Variants in QTMAN observed in about 807,000 individuals in gnomAD.
QTMAN encodes the protein tRNA-queuosine alpha-mannosyltransferase.
chr2:144,299,666 G>A, the QTMAN span, among the ~76,000 whole-genome samples: 12 of 152,232 alleles, frequency 7.9e-5, no homozygotes, highest in Admixed American at 2.6e-4. Flanking sequence ...ATTGAAATCC[G>A]TGTACACTGC....
chr2:144,167,814 A>G, the QTMAN span, among the ~76,000 whole-genome samples: 1 of 152,090 alleles, frequency 6.6e-6, no homozygotes, highest in Admixed American at 6.6e-5. Flanking sequence ...CTAATATTGG[A>G]CAAATTCATT....
At chr2:144,173,761 G>A in the QTMAN span, among the ~76,000 whole-genome samples, 3 of 152,064 alleles carry the variant, frequency 2.0e-5, no homozygotes, top group Non-Finnish European at 4.4e-5. Context: ...GGGGGTTCTC[G>A]TGAGAGGTGT....
At chr2:144,311,318 CT>C in the QTMAN span, among the ~76,000 whole-genome samples, 1 of 152,170 alleles carries the variant, frequency 6.6e-6, no homozygotes, top group Non-Finnish European at 1.5e-5. Context: ...CTACATTTTA[CT>C]GTTTTAAATC....
the QTMAN span, among the ~76,000 whole-genome samples, chr2:143,995,358 C>T: frequency 6.6e-6 from 1 of 151,666 alleles, no homozygotes; most frequent in Non-Finnish European, 1.5e-5. Flanking sequence ...TGATTTTAAC[C>T]AATAAGAGAC....
the QTMAN span, among the ~76,000 whole-genome samples, chr2:144,170,436 G>A: frequency 6.6e-6 from 1 of 152,176 alleles, no homozygotes; most frequent in African/African-American, 2.4e-5. Flanking sequence ...CAGAGGTGAT[G>A]TGGAGTGGCC....
At chr2:143,965,837 C>T in the QTMAN span, among the ~76,000 whole-genome samples, 1 of 152,178 alleles carries the variant, frequency 6.6e-6, no homozygotes, top group East Asian at 1.9e-4. Context: ...TAAGTAACTC[C>T]ATTTCTACAG....
At chr2:144,246,994 A>T in the QTMAN span, among the ~76,000 whole-genome samples, 1 of 152,254 alleles carries the variant, frequency 6.6e-6, no homozygotes, top group Non-Finnish European at 1.5e-5. Flanking sequence ...GCAAATTATC[A>T]ATCAAGTGAG....
the QTMAN span, among the ~76,000 whole-genome samples, chr2:144,016,054 A>G: frequency 1.3e-5 from 2 of 152,186 alleles, no homozygotes; most frequent in Non-Finnish European, 2.9e-5. Flanking sequence ...GTTGAGTAAC[A>G]CTACATTCCC....
chr2:144,163,665 T>A, the QTMAN span, among the ~76,000 whole-genome samples: 1 of 152,234 alleles, frequency 6.6e-6, no homozygotes, highest in East Asian at 1.9e-4. Flanking sequence ...TGGCAAACAG[T>A]GCCAGAGACT....
chr2:144,043,628 G>A, the QTMAN span, among the ~76,000 whole-genome samples: 94 of 141,452 alleles, frequency 6.6e-4, no homozygotes, highest in Non-Finnish European at 1.3e-3. Flanking sequence ...ATAAGACTCC[G>A]TCGCAAAAAA....
chr2:144,103,985 G>A, the QTMAN span, among the ~76,000 whole-genome samples: 2 of 152,162 alleles, frequency 1.3e-5, no homozygotes, highest in Admixed American at 1.3e-4. Context: ...AGTGACTCAG[G>A]AGGCTGAGGC....
At chr2:144,243,629 T>C in the QTMAN span, among the ~76,000 whole-genome samples, 2 of 152,366 alleles carry the variant, frequency 1.3e-5, no homozygotes, top group East Asian at 3.9e-4. Flanking sequence ...TTTTATCCCT[T>C]ATGGTATCTA....
the QTMAN span, among the ~76,000 whole-genome samples, chr2:143,961,045 CTAA>C: frequency 6.6e-6 from 1 of 152,102 alleles, no homozygotes; most frequent in African/African-American, 2.4e-5. Flanking sequence ...GGTGACATGG[CTAA>C]TCAATGGCAG....
the QTMAN span, among the ~76,000 whole-genome samples, chr2:143,996,982 GAC>G: frequency 6.6e-6 from 1 of 152,108 alleles, no homozygotes; most frequent in Non-Finnish European, 1.5e-5. Flanking sequence ...CAGTTGAAGA[GAC>G]ACAGTATTTT....
the QTMAN span, among the ~76,000 whole-genome samples, chr2:144,195,905 TATC>T: frequency 6.6e-6 from 1 of 152,144 alleles, no homozygotes; most frequent in Non-Finnish European, 1.5e-5. Flanking sequence ...ACTTAAAAGT[TATC>T]ATCTCTTCAT....
chr2:144,213,134 G>C, the QTMAN span, among the ~76,000 whole-genome samples: 1 of 152,090 alleles, frequency 6.6e-6, no homozygotes, highest in African/African-American at 2.4e-5. Flanking sequence ...GCATTGATAA[G>C]ATCACAGAGA....
At chr2:144,122,955 C>T in the QTMAN span, among the ~76,000 whole-genome samples, 3 of 152,166 alleles carry the variant, frequency 2.0e-5, no homozygotes. Context: ...CACGTGCAGA[C>T]ACATGGACAC....
chr2:144,124,346 T>C, the QTMAN span, among the ~76,000 whole-genome samples: 1 of 152,190 alleles, frequency 6.6e-6, no homozygotes, highest in Admixed American at 6.5e-5. Context: ...TACTTAACTT[T>C]ATCTTCTCAT....
At chr2:144,121,500 T>C in the QTMAN span, among the ~76,000 whole-genome samples, 370 of 152,294 alleles carry the variant, frequency 2.4e-3, 5 homozygotes, top group African/African-American at 8.5e-3. Flanking sequence ...TCTCAGGGTA[T>C]GCTTAAGTTG....
Sources: allele counts gnomAD v4.1 joint callset (sites outside exome capture counted in the v4.1 genomes callset), GRCh38; gene constraint gnomAD v4.1.1; transcripts MANE v1.5; gene names NCBI Gene and HGNC (gene_info 2026-07-23, HGNC 2026-07-21).